TASP1: variants seen among roughly 807,000 people sequenced by gnomAD.
TASP1 encodes threonine aspartase 1.
In TASP1, 16 loss-of-function variants were observed where a neutral mutation model predicts 56.6. The ratio of observed to expected loss-of-function variants is 0.28; its 90% CI spans 0.19 to 0.43. The LOEUF (loss-of-function observed/expected upper bound fraction) is 0.43. TASP1 is among the 20% of genes least tolerant of loss of function. The pLI, the probability that TASP1 is intolerant of heterozygous loss-of-function variation, is 1.00. For missense variants in TASP1, 393 were observed against 511.6 expected (o/e 0.77, Z 2.24); for synonymous variants, 179 against 184.2 (o/e 0.97, Z 0.23).
chr20:13,422,636 C>T (rs952022222), intron 12 of TASP1, among the ~76,000 whole-genome samples: 6 of 152,198 alleles, frequency 3.9e-5, no homozygotes, highest in African/African-American at 1.4e-4. Flanking sequence ...TCTTCTCGCA[C>T]TCTGAAACAC....
downstream of TASP1, among the ~76,000 whole-genome samples, chr20:13,385,762 C>G (rs1238278194): frequency 6.6e-6 from 1 of 152,214 alleles, no homozygotes; most frequent in African/African-American, 2.4e-5. Flanking sequence ...GAAACTGAAG[C>G]TTAATTCCTG....
chr20:13,442,324 T>C (rs2043246111), intron 11 of TASP1, among the ~76,000 whole-genome samples: 1 of 150,758 alleles, frequency 6.6e-6, no homozygotes, highest in South Asian at 2.1e-4. Flanking sequence ...ACCACACACA[T>C]ACTCCTGCCT....
chr20:13,301,453 C>T, the TASP1 span, among the ~76,000 whole-genome samples: 1 of 152,162 alleles, frequency 6.6e-6, no homozygotes, highest in Non-Finnish European at 1.5e-5. Context: ...CCTCCCAAAG[C>T]ACTGGGATTA....
chr20:13,340,831 G>A, the TASP1 span, among the ~76,000 whole-genome samples: 3 of 152,048 alleles, frequency 2.0e-5, no homozygotes, highest in Non-Finnish European at 4.4e-5. Context: ...CTCTTATAAT[G>A]ATAATAATAC....
chr20:13,446,556 T>C (rs565596532), intron 11 of TASP1, among the ~76,000 whole-genome samples: 3 of 152,248 alleles, frequency 2.0e-5, no homozygotes, highest in African/African-American at 7.2e-5. Flanking sequence ...CCAAGGCCTA[T>C]TCTATAGATG....
the TASP1 span, among the ~76,000 whole-genome samples, chr20:13,142,383 G>T: frequency 6.6e-6 from 1 of 152,126 alleles, no homozygotes; most frequent in African/African-American, 2.4e-5. Context: ...ATTCCATGTT[G>T]GTTCAGTACA....
the TASP1 span, among the ~76,000 whole-genome samples, chr20:13,139,659 A>G: frequency 6.6e-6 from 1 of 152,208 alleles, no homozygotes; most frequent in African/African-American, 2.4e-5. Context: ...CCACAAAGGA[A>G]CCTGGGTAAT....
intron 1 of TASP1, among the ~76,000 whole-genome samples, chr20:13,634,107 A>G (rs1173836216): frequency 6.6e-6 from 1 of 152,236 alleles, no homozygotes; most frequent in African/African-American, 2.4e-5. Flanking sequence ...TATTCATAGC[A>G]ATATTATTCA....
chr20:13,117,052 T>C, the TASP1 span, among the ~76,000 whole-genome samples: 2 of 152,330 alleles, frequency 1.3e-5, no homozygotes, highest in East Asian at 3.9e-4. Flanking sequence ...TCTTTTTAAT[T>C]CCCTCTTTTA....
the TASP1 span, among the ~76,000 whole-genome samples, chr20:13,218,364 C>T: frequency 6.6e-6 from 1 of 151,962 alleles, no homozygotes; most frequent in African/African-American, 2.4e-5. Context: ...CTCTTCACAG[C>T]CCAAACCTAG....
the TASP1 span, among the ~76,000 whole-genome samples, chr20:13,286,613 T>C: frequency 1.1e-4 from 16 of 152,262 alleles, no homozygotes; most frequent in Non-Finnish European, 1.9e-4. Flanking sequence ...GAGCAAGCTC[T>C]CCACTCAGAG....
chr20:13,138,462 C>T, the TASP1 span, among the ~76,000 whole-genome samples: 4 of 152,208 alleles, frequency 2.6e-5, no homozygotes, highest in South Asian at 2.1e-4. Context: ...GTTTTTACTT[C>T]TATTATGTTA....
intron 13 of TASP1, among the ~76,000 whole-genome samples, chr20:13,394,107 C>A (rs1244902271): frequency 6.6e-6 from 1 of 151,176 alleles, no homozygotes; most frequent in Non-Finnish European, 1.5e-5. Flanking sequence ...AGGGCGAAAC[C>A]CCACCTCTAC....
chr20:13,341,476 A>G, the TASP1 span, among the ~76,000 whole-genome samples: 2 of 152,172 alleles, frequency 1.3e-5, no homozygotes, highest in Non-Finnish European at 2.9e-5. Context: ...CCGTAACATG[A>G]GGGTAACGTA....
At chr20:13,429,475 TA>T (rs199989806) in intron 12 of TASP1, among the ~76,000 whole-genome samples, 25 of 150,620 alleles carry the variant, frequency 1.7e-4, no homozygotes, top group African/African-American at 5.7e-4. Flanking sequence ...ATTTGTCAAT[TA>T]TTTTTTTTTT....
chr20:13,263,402 A>G, the TASP1 span, among the ~76,000 whole-genome samples: 1 of 152,064 alleles, frequency 6.6e-6, no homozygotes, highest in Non-Finnish European at 1.5e-5. Context: ...ACTAAGAACA[A>G]GTGTGCCCCT....
intron 8 of TASP1, among the ~76,000 whole-genome samples, chr20:13,537,639 T>C (rs1168645370): frequency 6.6e-6 from 1 of 152,218 alleles, no homozygotes; most frequent in East Asian, 1.9e-4. Context: ...ATACCTATTG[T>C]CCTTGACTAA....
intron 8 of TASP1, among the ~76,000 whole-genome samples, chr20:13,537,988 C>T (rs1396242814): frequency 6.6e-6 from 1 of 151,486 alleles, no homozygotes; most frequent in Non-Finnish European, 1.5e-5. Context: ...TGCCAAGAGA[C>T]ACCATCTATC....
At chr20:13,294,099 G>A in the TASP1 span, among the ~76,000 whole-genome samples, 34 of 152,316 alleles carry the variant, frequency 2.2e-4, no homozygotes, top group South Asian at 1.4e-3. Flanking sequence ...TGATGTGGCC[G>A]CCATGGAATG....
Sources: allele counts gnomAD v4.1 joint callset (sites outside exome capture counted in the v4.1 genomes callset), GRCh38; gene constraint gnomAD v4.1.1; transcripts MANE v1.5; gene names NCBI Gene and HGNC (gene_info 2026-07-23, HGNC 2026-07-21).